The following CCDC60 variants were observed in gnomAD, a reference collection of about 807,000 sequenced individuals.
CCDC60 encodes the protein coiled-coil domain containing 60.
In CCDC60, 54 loss-of-function variants were observed where a neutral mutation model predicts 63.5. That is an observed-to-expected ratio of 0.85 (90% CI 0.68 to 1.07). CCDC60 has a LOEUF of 1.07. Ranked by LOEUF, CCDC60 falls within the 50% of genes least tolerant of loss-of-function variation. The pLI, the probability that CCDC60 is intolerant of heterozygous loss-of-function variation, is 0.00. For missense variants in CCDC60, 651 were observed against 684.3 expected, an observed-to-expected ratio of 0.95 and a Z score of 0.54; for synonymous variants, 206 against 238.8, an observed-to-expected ratio of 0.86 and a Z score of 1.27.
intron 2 of CCDC60, among the ~76,000 whole-genome samples, chr12:119,462,124 C>A (rs1169770762): frequency 6.6e-6 from 1 of 152,198 alleles, no homozygotes; most frequent in African/African-American, 2.4e-5. Flanking sequence ...AGAAGATTTG[C>A]TTGCTAGGTT....
intron 1 of CCDC60, among the ~76,000 whole-genome samples, chr12:119,353,455 T>A (rs1955677720): frequency 6.6e-6 from 1 of 150,528 alleles, no homozygotes; most frequent in Admixed American, 6.7e-5. Context: ...TCTCTCTCTC[T>A]CTCACTCTCT....
At chr12:119,350,942 C>T (rs1387256748) in intron 1 of CCDC60, among the ~76,000 whole-genome samples, 3 of 152,200 alleles carry the variant, frequency 2.0e-5, no homozygotes, top group South Asian at 2.1e-4. Flanking sequence ...CACTTCCTGA[C>T]GCAGCAGCTA....
At chr12:119,424,536 A>T (rs1956868314) in intron 1 of CCDC60, among the ~76,000 whole-genome samples, 1 of 152,338 alleles carries the variant, frequency 6.6e-6, no homozygotes, top group South Asian at 2.1e-4. Flanking sequence ...GGGCAAGAGG[A>T]TATGTATTTC....
chr12:119,494,657 C>A (rs1951677872), intron 5 of CCDC60, among the ~76,000 whole-genome samples: 1 of 152,238 alleles, frequency 6.6e-6, no homozygotes, highest in African/African-American at 2.4e-5. Flanking sequence ...GAGTAAAAGG[C>A]AACCAACCAC....
At chr12:119,477,950 AAGAG>A (rs942147403) in intron 3 of CCDC60, among the ~76,000 whole-genome samples, 10 of 151,810 alleles carry the variant, frequency 6.6e-5, no homozygotes, top group African/African-American at 9.7e-5. Context: ...GAGAGAGAGA[AAGAG>A]AGAGAAAAAG....
chr12:119,450,432 A>G (rs1414864758), intron 2 of CCDC60, among the ~76,000 whole-genome samples: 1 of 152,216 alleles, frequency 6.6e-6, no homozygotes, highest in African/African-American at 2.4e-5. Flanking sequence ...AAATTTTTAA[A>G]ATAAAGGATG....
chr12:119,479,209 G>T lies in CCDC60; in HGVS notation c.449+8G>T. ...GCTAACCGAGGCTCACGTGTAAGTA[G>T]TCTCACCTCCAGCTCATTTGCTTTG... On this transcript the variant is annotated splice_region_variant and intron_variant, in intron 4 of 13. Coordinates refer to ENST00000327554, the MANE Select transcript of CCDC60 (RefSeq NM_178499.5). 6.3e-7 allele frequency: 1 copy of T among 1,596,392 alleles called. No homozygotes were observed. Among genetic ancestry groups the T allele is most frequent in the South Asian group, 1.1e-5 (1 of 90,628 alleles).
chr12:119,520,284 A>C, intron 9 of CCDC60, 92 bp downstream of exon 9: 1 of 1,082,690 alleles, frequency 9.2e-7, no homozygotes, highest in Non-Finnish European at 1.4e-6. Context: ...AGACCATGGA[A>C]AGTGGGACAG....
intron 5 of CCDC60, among the ~76,000 whole-genome samples, chr12:119,496,774 A>G (rs1951723953): frequency 6.6e-6 from 1 of 152,254 alleles, no homozygotes; most frequent in African/African-American, 2.4e-5. Flanking sequence ...TGGGGAAGAC[A>G]GAGGACTCGA....
At chr12:119,496,941 C>A (rs1951727156) in intron 5 of CCDC60, among the ~76,000 whole-genome samples, 1 of 152,112 alleles carries the variant, frequency 6.6e-6, no homozygotes, top group Non-Finnish European at 1.5e-5. Flanking sequence ...TAATGAACAA[C>A]CCCCAAATCT....
intron 1 of CCDC60, among the ~76,000 whole-genome samples, chr12:119,427,077 GC>G (rs1219914048): frequency 6.6e-5 from 10 of 152,050 alleles, no homozygotes; most frequent in Non-Finnish European, 1.0e-4. Context: ...CTACCAACCA[GC>G]CTTTGTCAAA....
chr12:119,415,588 G>A (rs1257590844), intron 1 of CCDC60, among the ~76,000 whole-genome samples: 2 of 152,350 alleles, frequency 1.3e-5, no homozygotes, highest in Admixed American at 6.5e-5. Flanking sequence ...AAACAAGAAT[G>A]GAGGAGAGAG....
chr12:119,505,326 C>T, intron 7 of CCDC60, 23 bp downstream of exon 7: 1 of 1,512,970 alleles, frequency 6.6e-7, no homozygotes, highest in Non-Finnish European at 9.1e-7. Flanking sequence ...TGAGATCTGA[C>T]TCATCTACCC....
intron 2 of CCDC60, among the ~76,000 whole-genome samples, chr12:119,441,882 T>C (rs1297659428): frequency 1.3e-5 from 2 of 152,186 alleles, no homozygotes; most frequent in African/African-American, 4.8e-5. Flanking sequence ...TGAACATATG[T>C]ACATACTTCT....
At chr12:119,440,060 C>T (rs549069423) in intron 2 of CCDC60, among the ~76,000 whole-genome samples, 3 of 106,500 alleles carry the variant, frequency 2.8e-5, no homozygotes, top group Non-Finnish European at 5.7e-5. Context: ...TGGGGCCTGT[C>T]GGGGGGTGGG....
At chr12:119,395,330 C>G (rs1956232742) in intron 1 of CCDC60, among the ~76,000 whole-genome samples, 1 of 152,178 alleles carries the variant, frequency 6.6e-6, no homozygotes, top group Non-Finnish European at 1.5e-5. Flanking sequence ...GGTGGTTTAC[C>G]TGGCTCACAG....
intron 2 of CCDC60, among the ~76,000 whole-genome samples, chr12:119,432,185 AC>A (rs1950240287): frequency 6.6e-6 from 1 of 152,168 alleles, no homozygotes; most frequent in African/African-American, 2.4e-5. Flanking sequence ...TGCCTTGGGA[AC>A]CTTGGAGCCC....
intron 4 of CCDC60, among the ~76,000 whole-genome samples, chr12:119,483,553 CTG>C (rs992370764): frequency 6.6e-5 from 10 of 152,256 alleles, no homozygotes; most frequent in African/African-American, 2.4e-4. Context: ...TGCCTGCAAC[CTG>C]TGTCGAGATT....
At chr12:119,445,433 C>CAAAA (rs58415660) in intron 2 of CCDC60, among the ~76,000 whole-genome samples, 25 of 27,196 alleles carry the variant, frequency 9.2e-4, no homozygotes, top group African/African-American at 2.5e-3. Flanking sequence ...GACTCCATCT[C>CAAAA]AAAAAAAAAA....
Sources: allele counts gnomAD v4.1 joint callset (sites outside exome capture counted in the v4.1 genomes callset), GRCh38; gene constraint gnomAD v4.1.1; transcripts MANE v1.5; gene names NCBI Gene and HGNC (gene_info 2026-07-23, HGNC 2026-07-21).